CFAP100: variants seen among roughly 807,000 people sequenced by gnomAD.
CFAP100 encodes cilia and flagella associated protein 100, also known as cilia- and flagella-associated protein 100.
In CFAP100, 70 loss-of-function variants were observed where a neutral mutation model predicts 81.5. The ratio of observed to expected loss-of-function variants is 0.86; its 90% CI spans 0.71 to 1.05. The LOEUF is 1.05. Among genes scored for constraint, CFAP100 ranks in the 50% least tolerant of loss-of-function variants. CFAP100 has a pLI of 0.00. For synonymous variants in CFAP100, 341 were observed against 314.8 expected (o/e 1.08, Z -0.88); for missense variants, 811 against 776.5 (o/e 1.04, Z -0.53).
rs758898642 is a variant in CFAP100, at chr3:126,418,516, C to T, written c.477C>T (p.Phe159=). ...SGYIKQKRQM[F]LLQYALDVKR... ...ACATTAAGCAGAAGCGGCAAATGTTCCTCCTCCAGGTAGGTCCCGTGGCCC... is the reference window on the plus strand; with the variant it reads ...ACATTAAGCAGAAGCGGCAAATGTTTCTCCTCCAGGTAGGTCCCGTGGCCC... The change falls in exon 6 of 17, where the codon TTC becomes TTT. Residue 159 remains phenylalanine (F), a synonymous_variant. Coordinates refer to ENST00000352312, the MANE Select transcript of CFAP100 (RefSeq NM_182628.3). 3 of 1,614,118 alleles carry T rather than the reference C, an allele frequency of 1.9e-6. No homozygotes were observed. The highest frequency in any genetic ancestry group is 2.5e-6 in the Non-Finnish European group (3 of 1,180,014).
At chr3:126,427,146 A>C (rs954274721) in intron 13 of CFAP100, among the ~76,000 whole-genome samples, 3 of 152,232 alleles carry the variant, frequency 2.0e-5, no homozygotes, top group African/African-American at 7.2e-5. Context: ...GTTACTGACA[A>C]ACTGATTCTG....
At chr3:126,432,139 C>T (rs556376867) in intron 13 of CFAP100, among the ~76,000 whole-genome samples, 12 of 151,850 alleles carry the variant, frequency 7.9e-5, no homozygotes, top group South Asian at 4.2e-4. Flanking sequence ...ATTAGCCGGG[C>T]GTGGTGGCGG....
chr3:126,433,888 G>A (rs371526767), intron 14 of CFAP100: 5 of 432,154 alleles, frequency 1.2e-5, no homozygotes, highest in African/African-American at 1.0e-4. Flanking sequence ...TGCCCAGGGT[G>A]CAGGGTTCCC....
At chr3:126,424,839 A>G (rs977995420) in intron 13 of CFAP100, among the ~76,000 whole-genome samples, 1 of 152,240 alleles carries the variant, frequency 6.6e-6, no homozygotes, top group African/African-American at 2.4e-5. Context: ...AGGTGTCAGG[A>G]AACTTCCTGA....
At position 126,433,088 on chromosome 3, in the gene CFAP100, C is replaced by CT. The variant is rs147811753; in HGVS notation, c.1307dup (p.Lys437GlufsTer20). 6.2e-7 allele frequency: 1 copy of CT among 1,614,138 alleles called. No homozygotes were observed. The highest frequency in any genetic ancestry group is 1.3e-5 in the African/African-American group (1 of 75,034). On this transcript the variant is annotated frameshift_variant, in exon 14 of 17. Transcript: ENST00000352312. LOFTEE classifies it high-confidence loss of function. The stretch of plus-strand genomic sequence containing the variant: ...TTCCAGGGACAGGGAGGTCAACCAG[C>CT]TGAAGCAGTGGGTCACCACAATGAT...
At chr3:126,432,701 T>G (rs1446343137) in intron 13 of CFAP100, 1 of 168,970 alleles carries the variant, frequency 5.9e-6, no homozygotes, top group Non-Finnish European at 1.3e-5. Flanking sequence ...GGAGTGACTG[T>G]TAATGGGCAC....
At chr3:126,427,317 G>A (rs184854308) in intron 13 of CFAP100, among the ~76,000 whole-genome samples, 228 of 152,266 alleles carry the variant, frequency 1.5e-3, no homozygotes, top group Admixed American at 4.6e-3. Flanking sequence ...ATAGATAATT[G>A]GAATAGAATA....
At position 126,433,129 on chromosome 3, in the gene CFAP100, G is replaced by T. The variant is rs768954111; in HGVS notation, c.1347G>T (p.Lys449Asn). 6.2e-7 allele frequency: 1 copy of T among 1,614,230 alleles called. No homozygotes were observed. The highest frequency in any genetic ancestry group is 8.5e-7 in the Non-Finnish European group (1 of 1,180,046). Residue 449 changes from lysine to asparagine, a missense_variant, in exon 14 of 17, where the codon AAG becomes AAT. Coordinates refer to ENST00000352312, the MANE Select transcript of CFAP100 (RefSeq NM_182628.3). Reference protein sequence around the residue: ...WVTTMMMSITKEEDTAAELEL... With the variant: ...WVTTMMMSITNEEDTAAELEL... ...CCACAATGATGATGTCCATCACCAA[G>T]GAGGAGGACACAGCAGCTGAGCTGG...
At chr3:126,415,900 G>T (rs536174278) in intron 4 of CFAP100, among the ~76,000 whole-genome samples, 1 of 152,306 alleles carries the variant, frequency 6.6e-6, no homozygotes, top group East Asian at 1.9e-4. Context: ...CACCAACGGT[G>T]ACCTTCCAGC....
chr3:126,399,773 T>G (rs185734825), intron 2 of CFAP100, among the ~76,000 whole-genome samples: 138 of 152,258 alleles, frequency 9.1e-4, no homozygotes, highest in African/African-American at 3.2e-3. Context: ...GGGAAGATCT[T>G]GATGAGGAGG....
intron 13 of CFAP100, among the ~76,000 whole-genome samples, chr3:126,431,151 G>A (rs547130520): frequency 2.0e-4 from 30 of 152,318 alleles, no homozygotes; most frequent in African/African-American, 7.2e-4. Context: ...CTACTGCCAG[G>A]GTCCAAGGTG....
In CFAP100 at chr3:126,434,322, C is replaced by T. The variant is rs753330699; in HGVS notation, c.1569C>T (p.His523=). ...QLDELLENLE[H]VPQVKIEQAE... ...ATGAGCTGCTAGAGAACCTGGAGCA[C>T]GTGCCCCAGGTCAAGATCGAGCAGG... The change falls in exon 15 of 17, where the codon CAC becomes CAT. Residue 523 remains histidine, a synonymous_variant. Transcript: ENST00000352312. 26 of 1,613,982 alleles carry T rather than the reference C, an allele frequency of 1.6e-5. No homozygotes were observed. The highest frequency in any genetic ancestry group is 4.0e-5 in the African/African-American group (3 of 74,920).
rs749658483 is a variant in CFAP100, at chr3:126,419,130, C to T, written c.705C>T (p.Leu235=). 6.3e-7 allele frequency: 1 copy of T among 1,588,564 alleles called. No homozygotes were observed. The highest frequency in any genetic ancestry group is 8.6e-7 in the Non-Finnish European group (1 of 1,166,290). The change falls in exon 8 of 17, where the codon CTC becomes CTT. Residue 235 remains leucine, a synonymous_variant. Coordinates refer to ENST00000352312, the MANE Select transcript of CFAP100 (RefSeq NM_182628.3). ...KIEKILEIRD[L]TTQIVNIKSE... ...AGAAGATCCTTGAGATCCGGGACCT[C>T]ACCACCCAGATTGTTAATATCAAAA...
At chr3:126,421,107 A>G (rs914799901) in intron 11 of CFAP100, among the ~76,000 whole-genome samples, 1 of 152,118 alleles carries the variant, frequency 6.6e-6, no homozygotes, top group East Asian at 1.9e-4. Flanking sequence ...GGTTCAAGCG[A>G]TTCTCTTGTC....
intron 2 of CFAP100, among the ~76,000 whole-genome samples, chr3:126,405,611 C>T (rs570240346): frequency 1.8e-3 from 277 of 152,042 alleles, no homozygotes; most frequent in Admixed American, 3.3e-3. Flanking sequence ...TGCAGTGAGC[C>T]GAGATTGTGC....
intron 4 of CFAP100, among the ~76,000 whole-genome samples, chr3:126,415,068 C>T (rs1201007304): frequency 6.6e-6 from 1 of 152,140 alleles, no homozygotes; most frequent in East Asian, 1.9e-4. Context: ...GACTCTCTGA[C>T]CCACGCCTTG....
At chr3:126,410,230 C>T (rs6779526) in intron 3 of CFAP100, among the ~76,000 whole-genome samples, 72,269 of 152,004 alleles carry the variant, frequency 0.48, 17,761 homozygotes, top group Non-Finnish European at 0.51. Context: ...TTTAGTGTAG[C>T]TCAGTTTCAT....
chr3:126,434,017 A>G (rs927204935), intron 14 of CFAP100, 159 bp from the exon 15 acceptor site: 1 of 639,960 alleles, frequency 1.6e-6, no homozygotes, highest in Non-Finnish European at 2.7e-6. Flanking sequence ...AAGAAAAGCC[A>G]GTTCCCCAAG....
At chr3:126,410,274 T>A (rs1371543405) in intron 3 of CFAP100, among the ~76,000 whole-genome samples, 1 of 152,206 alleles carries the variant, frequency 6.6e-6, no homozygotes, top group African/African-American at 2.4e-5. Context: ...TGGCTTTTAG[T>A]GTCTTATTTT....
Sources: allele counts gnomAD v4.1 joint callset (sites outside exome capture counted in the v4.1 genomes callset), GRCh38; gene constraint gnomAD v4.1.1; transcripts MANE v1.5; gene names NCBI Gene and HGNC (gene_info 2026-07-23, HGNC 2026-07-21).